SLC30A6: variants seen among roughly 807,000 people sequenced by gnomAD.
SLC30A6 encodes the protein solute carrier family 30 member 6, also known as zinc transporter 6.
SLC30A6 carries 55 observed loss-of-function variants against 63.0 expected under a neutral mutation model. The ratio of observed to expected loss-of-function variants is 0.87; its 90% CI spans 0.70 to 1.09. SLC30A6 has a LOEUF of 1.09. SLC30A6 is among the 50% of genes least tolerant of loss of function. The probability of loss-of-function intolerance (pLI) is 0.00; values close to 1 mark genes in which losing one functional copy is unlikely to be tolerated. For synonymous variants in SLC30A6, 224 were observed against 186.1 expected, an observed-to-expected ratio of 1.20 and a Z score of -1.66; for missense variants, 587 against 549.2, an observed-to-expected ratio of 1.07 and a Z score of -0.69.
At chr2:32,213,591 A>T (rs370701106) in intron 13 of SLC30A6, among the ~76,000 whole-genome samples, 1 of 152,108 alleles carries the variant, frequency 6.6e-6, no homozygotes, top group Non-Finnish European at 1.5e-5. Flanking sequence ...TCATAAGGGT[A>T]CTAGGTTACT....
At position 32,222,106 on chromosome 2, in the gene SLC30A6, A is replaced by T. The variant is rs1307313555; in HGVS notation, c.*1393A>T. 1 of 152,150 alleles carries T rather than the reference A, an allele frequency of 6.6e-6. No individual in the cohort carries two copies. Among genetic ancestry groups the T allele is most frequent in the Non-Finnish European group, 1.5e-5 (1 of 68,026 alleles). The allele number at this position is 152,150 out of a possible 1,614,324, so 9.4% of individuals were successfully genotyped here. A position where few individuals can be genotyped will look rare whatever the true frequency, so the allele number is the denominator to read the frequency against. On this transcript the variant is annotated 3_prime_UTR_variant, in exon 14 of 14. Transcript: ENST00000282587. ...TTTGTTTTGCTTTGTCAAAAATGGG[A>T]AATTGTTAACTGTGATGAAATGTGA...
At chr2:32,201,565 C>A in intron 10 of SLC30A6, 2 of 1,253,954 alleles carry the variant, frequency 1.6e-6, no homozygotes, top group Non-Finnish European at 1.1e-6. Flanking sequence ...GTGGTTGTGG[C>A]CACTGTGCCC....
At chr2:32,203,507 T>G in intron 10 of SLC30A6, 1 of 1,605,830 alleles carries the variant, frequency 6.2e-7, no homozygotes, top group Non-Finnish European at 8.5e-7. Context: ...AGCCCACATT[T>G]CTGGTGCATC....
intron 10 of SLC30A6, chr2:32,203,248 A>G: frequency 5.1e-6 from 5 of 978,100 alleles, no homozygotes; most frequent in Non-Finnish European, 8.3e-6. Context: ...GTAGAGCTGG[A>G]CAGACAGGGA....
At chr2:32,213,189 G>A (rs898160392) in intron 13 of SLC30A6, among the ~76,000 whole-genome samples, 7 of 152,126 alleles carry the variant, frequency 4.6e-5, no homozygotes, top group African/African-American at 1.2e-4. Flanking sequence ...TTACAGGCAC[G>A]AGCCACTGTG....
intron 9 of SLC30A6, 79 bp from the exon 10 acceptor site, chr2:32,197,628 C>T (rs1683911915): frequency 6.3e-7 from 1 of 1,587,136 alleles, no homozygotes; most frequent in South Asian, 1.1e-5. Context: ...TACCAAAATA[C>T]AAGTTATCTT....
rs1185467986 is a variant in SLC30A6, at chr2:32,224,217, AGTTAATATG to A, written c.*3505_*3513del. On this transcript the variant is annotated 3_prime_UTR_variant, in exon 14 of 14. Coordinates refer to ENST00000282587, the MANE Select transcript of SLC30A6 (RefSeq NM_017964.5). ...CTCTTACATGCCAGGCACTATACTAAGTTAATATGCATTCAGTATACCAGTTGGTGTGAC... is the reference window on the plus strand; with the variant it reads ...CTCTTACATGCCAGGCACTATACTAACATTCAGTATACCAGTTGGTGTGAC... The A allele has an allele frequency of 2.8e-6, 1 of 354,044 alleles. No individual in the cohort carries two copies. Among genetic ancestry groups the A allele is most frequent in the African/African-American group, 2.1e-5 (1 of 47,734 alleles). The allele number at this position is 354,044 out of a possible 1,614,324, so 21.9% of individuals were successfully genotyped here.
chr2:32,178,194 G>C (rs562803478), intron 4 of SLC30A6, among the ~76,000 whole-genome samples: 71 of 151,840 alleles, frequency 4.7e-4, no homozygotes, highest in African/African-American at 1.7e-3. Flanking sequence ...TGATCCGCCC[G>C]CCTCGGCTTC....
intron 4 of SLC30A6, among the ~76,000 whole-genome samples, chr2:32,183,704 A>T (rs1682554124): frequency 6.6e-6 from 1 of 150,966 alleles, no homozygotes; most frequent in Admixed American, 6.6e-5. Context: ...AAAAAAAAAA[A>T]GCATGCCTTT....
At chr2:32,169,043 T>TA in intron 1 of SLC30A6, among the ~76,000 whole-genome samples, 1 of 152,208 alleles carries the variant, frequency 6.6e-6, no homozygotes, top group East Asian at 1.9e-4. Context: ...ATGTCCAAAA[T>TA]AACAGTATTA....
intron 5 of SLC30A6, among the ~76,000 whole-genome samples, chr2:32,190,667 A>G (rs1054344339): frequency 9.9e-5 from 15 of 151,956 alleles, no homozygotes; most frequent in Admixed American, 5.3e-4. Context: ...GAGTAAAGGC[A>G]TATTCTGGAC....
intron 4 of SLC30A6, among the ~76,000 whole-genome samples, chr2:32,181,510 T>C (rs1201464207): frequency 6.6e-6 from 1 of 151,904 alleles, no homozygotes; most frequent in Non-Finnish European, 1.5e-5. Flanking sequence ...TTTTTCAGAT[T>C]TCTTATTATT....
At chr2:32,199,396 G>T (rs1299075567) in intron 10 of SLC30A6, among the ~76,000 whole-genome samples, 1 of 152,106 alleles carries the variant, frequency 6.6e-6, no homozygotes, top group East Asian at 1.9e-4. Flanking sequence ...TGATAATTCT[G>T]TATTTATCTA....
chr2:32,195,346 G>T (rs1047315352), intron 8 of SLC30A6, among the ~76,000 whole-genome samples: 1 of 152,136 alleles, frequency 6.6e-6, no homozygotes, highest in Non-Finnish European at 1.5e-5. Context: ...GATTACAGGT[G>T]TGAGCCACTG....
intron 13 of SLC30A6, among the ~76,000 whole-genome samples, chr2:32,216,404 C>T (rs977354116): frequency 1.3e-5 from 2 of 151,962 alleles, no homozygotes; most frequent in Admixed American, 6.6e-5. Flanking sequence ...GGCATGGTGG[C>T]GTGGGCCTAT....
intron 13 of SLC30A6, among the ~76,000 whole-genome samples, chr2:32,211,775 G>A (rs1339821748): frequency 1.3e-5 from 2 of 151,836 alleles, no homozygotes; most frequent in African/African-American, 2.4e-5. Context: ...GCACCACCAC[G>A]CCCAGCTAAT....
In SLC30A6 at chr2:32,218,982, T is replaced by A. The variant is rs182359275; in HGVS notation, c.886-1231T>A. Among the ~76,000 whole-genome samples the A allele has an allele frequency of 1.1e-3, 164 of 152,332 alleles. 1 individual carries two copies. Among genetic ancestry groups the A allele is most frequent in the African/African-American group, 3.9e-3 (162 of 41,580 alleles). On this transcript the variant is annotated intron_variant, in intron 13 of 13. Coordinates refer to ENST00000282587, the MANE Select transcript of SLC30A6 (RefSeq NM_017964.5). The stretch of plus-strand genomic sequence containing the variant: ...TTAGGTTGCAGATGTTAAATTGAAA[T>A]TCTTTATCATTTTAGAGTCCTCTGG...
At chr2:32,176,162 T>G (rs560652076) in intron 4 of SLC30A6, among the ~76,000 whole-genome samples, 2 of 152,196 alleles carry the variant, frequency 1.3e-5, no homozygotes, top group East Asian at 3.9e-4. Flanking sequence ...AAAAAAATTA[T>G]AATTCATACA....
At chr2:32,181,949 T>G (rs1330704927) in intron 4 of SLC30A6, among the ~76,000 whole-genome samples, 2 of 150,382 alleles carry the variant, frequency 1.3e-5, no homozygotes, top group African/African-American at 4.9e-5. Context: ...TTTTTTTTTT[T>G]TTTGAGACAG....
Sources: gnomAD v4.1 joint callset for allele counts (sites outside exome capture counted in the v4.1 genomes callset) on GRCh38, gnomAD v4.1.1 for gene constraint, MANE v1.5 for transcripts, NCBI Gene and HGNC (gene_info 2026-07-23, HGNC 2026-07-21) for gene names.